Variants in PIK3C2B observed in about 807,000 individuals in gnomAD.
PIK3C2B encodes the protein phosphatidylinositol 4-phosphate 3-kinase C2 domain-containing subunit beta.
In PIK3C2B, 83 loss-of-function variants were observed where a neutral mutation model predicts 184.3. The ratio of observed to expected loss-of-function variants is 0.45; its 90% CI spans 0.38 to 0.54. PIK3C2B has a LOEUF of 0.54. Ranked by LOEUF, PIK3C2B falls within the 20% of genes least tolerant of loss-of-function variation. The pLI, the probability that PIK3C2B is intolerant of heterozygous loss-of-function variation, is 0.00. For synonymous variants in PIK3C2B, 779 were observed against 837.6 expected, an observed-to-expected ratio of 0.93 and a Z score of 1.21; for missense variants, 1,736 against 2,113.5, an observed-to-expected ratio of 0.82 and a Z score of 3.50.
intron 1 of PIK3C2B, among the ~76,000 whole-genome samples, chr1:204,470,340 G>C (rs1186998778): frequency 6.6e-6 from 1 of 152,084 alleles, no homozygotes; most frequent in African/African-American, 2.4e-5. Context: ...GCTAATTTTT[G>C]TATTTTTAGT....
Position 204,477,221 on chromosome 1 carries a change from C to T in PIK3C2B, c.-84-7335G>A, listed in dbSNP as rs541186799. ...GAAGCTTTAAAAATATACACATTCC[C>T]GACCTCTCCTCTGGAAGTTCTGACT... On this transcript the variant is annotated intron_variant, in intron 1 of 32. Coordinates refer to ENST00000684373, the MANE Select transcript of PIK3C2B (RefSeq NM_001377334.1). Among the ~76,000 whole-genome samples, 10 of 152,254 alleles carry T rather than the reference C, an allele frequency of 6.6e-5. No individual in the cohort carries two copies. The South Asian group carries it at 1.5e-3, about 22-fold the overall frequency.
intron 1 of PIK3C2B, among the ~76,000 whole-genome samples, chr1:204,493,531 A>ACACACACACACG (rs1342461422): frequency 6.7e-6 from 1 of 148,988 alleles, no homozygotes; most frequent in Non-Finnish European, 1.5e-5. Context: ...GAAAACACAC[A>ACACACACACACG]CACACACACA....
At chr1:204,489,033 G>T (rs770222207) in intron 1 of PIK3C2B, among the ~76,000 whole-genome samples, 3 of 152,132 alleles carry the variant, frequency 2.0e-5, no homozygotes, top group Non-Finnish European at 4.4e-5. Flanking sequence ...CGAGCCTCAT[G>T]AACATTTTTT....
chr1:204,486,700 A>G (rs1657624683), intron 1 of PIK3C2B, among the ~76,000 whole-genome samples: 1 of 152,248 alleles, frequency 6.6e-6, no homozygotes, highest in Non-Finnish European at 1.5e-5. Flanking sequence ...ATTGCACTCC[A>G]GCCTGGACGA....
At position 204,424,566 on chromosome 1, in the gene PIK3C2B, C is replaced by A; in HGVS notation, c.*286G>T. On this transcript the variant is annotated 3_prime_UTR_variant, in exon 33 of 33. Transcript: ENST00000684373. ...CAGCCCACCCCACACACTCCCCAAA[C>A]CAAGCATTGCTCCCTTGACACAAGG... 3 of 479,530 alleles carry A rather than the reference C, an allele frequency of 6.3e-6. No individual in the cohort carries two copies. The highest frequency in any genetic ancestry group is 4.0e-6 in the Non-Finnish European group (1 of 249,462). 29.7% of individuals were successfully genotyped at this position (479,530 alleles called of 1,614,324 possible). A position where few individuals can be genotyped will look rare whatever the true frequency, so the allele number is the denominator to read the frequency against.
chr1:204,465,420 T>C lies in PIK3C2B; in HGVS notation c.934-101A>G. 5.6e-6 allele frequency: 4 copies of C among 719,656 alleles called. No homozygotes were observed. The East Asian group carries it at 1.0e-4, about 18-fold the overall frequency. 44.6% of individuals were successfully genotyped at this position (719,656 alleles called of 1,614,324 possible). On this transcript the variant is annotated intron_variant, in intron 2 of 32. Coordinates refer to ENST00000684373, the MANE Select transcript of PIK3C2B (RefSeq NM_001377334.1). ...ACTCAAACTCTAGATGAAAAGACTTTCTAGTCACTCGACATCCAATGAAAG... is the reference window on the plus strand; with the variant it reads ...ACTCAAACTCTAGATGAAAAGACTTCCTAGTCACTCGACATCCAATGAAAG...
chr1:204,431,819 T>C, intron 27 of PIK3C2B, 26 bp from the exon 28 acceptor site: 1 of 1,614,074 alleles, frequency 6.2e-7, no homozygotes, highest in South Asian at 1.1e-5. Flanking sequence ...TCTTAGGGTG[T>C]ACCTGCCGAG....
rs2271413 is a variant in PIK3C2B, at chr1:204,460,673, G to A, written c.1311-12C>T. 7.7e-3 allele frequency: 11,931 copies of A among 1,548,674 alleles called. 378 individuals carry two copies. The East Asian group carries it at 0.11, about 15-fold the overall frequency. On this transcript the variant is annotated splice_polypyrimidine_tract_variant and intron_variant, in intron 5 of 32. Transcript: ENST00000684373. The stretch of plus-strand genomic sequence containing the variant: ...CCAAGGCATGCTTGCTGGTAGGGTA[G>A]AGGGACAAGACCATTAGCATCCTGG...
At chr1:204,448,672 A>C (rs1654084497) in intron 14 of PIK3C2B, among the ~76,000 whole-genome samples, 2 of 149,176 alleles carry the variant, frequency 1.3e-5, no homozygotes. Flanking sequence ...GGGAGCTTTC[A>C]TTCTATGTCA....
intron 5 of PIK3C2B, among the ~76,000 whole-genome samples, chr1:204,462,606 G>C (rs1423717203): frequency 1.3e-5 from 2 of 152,190 alleles, no homozygotes; most frequent in African/African-American, 4.8e-5. Context: ...TTCCTCTAGG[G>C]GAAAAGTGTG....
chr1:204,460,572 A>C lies in PIK3C2B; in HGVS notation c.1400T>G (p.Val467Gly), dbSNP rs1558261723. The change falls in exon 6 of 33, where the codon GTG (valine) becomes GGG (glycine). Residue 467 changes from valine to glycine, a missense_variant. Coordinates refer to ENST00000684373, the MANE Select transcript of PIK3C2B (RefSeq NM_001377334.1). ...IRLQLMEQKV[V>G]RSDLARTVND... is the part of the protein sequence containing the mutation. ...AACCGTCCGGGCCAGGTCACTGCGC[A>C]CAACCTTCTGCTCCATCAGCTGTAG... The C allele has an allele frequency of 1.2e-6, 2 of 1,614,028 alleles. No individual in the cohort carries two copies. Among genetic ancestry groups the C allele is most frequent in the Middle Eastern group, 1.7e-4 (1 of 6,000 alleles).
intron 1 of PIK3C2B, among the ~76,000 whole-genome samples, chr1:204,488,982 T>C (rs1475122784): frequency 2.0e-5 from 3 of 152,188 alleles, no homozygotes; most frequent in Non-Finnish European, 4.4e-5. Context: ...ACCACTTGTG[T>C]CATTACTGGC....
intron 1 of PIK3C2B, among the ~76,000 whole-genome samples, chr1:204,474,050 G>T (rs1656510877): frequency 7.7e-6 from 1 of 129,642 alleles, no homozygotes. Context: ...GGAGTGCAAT[G>T]GCGCGATCTC....
chr1:204,467,743 G>A (rs1281788269), intron 2 of PIK3C2B, among the ~76,000 whole-genome samples: 5 of 144,518 alleles, frequency 3.5e-5, no homozygotes, highest in African/African-American at 5.1e-5. Flanking sequence ...GCTGAGGCAG[G>A]AGAATCTCTT....
chr1:204,459,839 C>CT, intron 8 of PIK3C2B, 39 bp downstream of exon 8: 1 of 1,566,340 alleles, frequency 6.4e-7, no homozygotes, highest in Non-Finnish European at 8.8e-7. Flanking sequence ...AGAGGAGGAG[C>CT]TTTCGGGCAG....
At chr1:204,438,786 A>G in intron 23 of PIK3C2B, 149 bp downstream of exon 23, 1 of 740,512 alleles carries the variant, frequency 1.4e-6, no homozygotes, top group Non-Finnish European at 2.1e-6. Context: ...AGATATTTGG[A>G]GGCACCAGTC....
Position 204,469,678 on chromosome 1 carries a change from T to C in PIK3C2B, c.125A>G (p.His42Arg). 6.2e-7 allele frequency: 1 copy of C among 1,614,108 alleles called. No individual in the cohort carries two copies. The highest frequency in any genetic ancestry group is 1.1e-5 in the South Asian group (1 of 91,082). Reference protein sequence around the residue: ...MEYDALSRLRHDKEENRAKQN... With the variant: ...MEYDALSRLRRDKEENRAKQN... Reference sequence around the variant, plus strand: ...CTTGGCTCTGTTCTCCTCCTTGTCATGCCGGAGCCGGGACAGGGCATCATA... The same window carrying C: ...CTTGGCTCTGTTCTCCTCCTTGTCACGCCGGAGCCGGGACAGGGCATCATA... Residue 42 changes from histidine to arginine, a missense_variant, in exon 2 of 33, where the codon CAT (histidine) becomes CGT (arginine). This residue lies in a region of PIK3C2B where 404 missense variants were observed against 418.0 expected (regional missense o/e 0.97). Transcript: ENST00000684373.
chr1:204,431,584 C>T, intron 28 of PIK3C2B, 85 bp downstream of exon 28: 2 of 1,531,724 alleles, frequency 1.3e-6, no homozygotes, highest in South Asian at 1.1e-5. Context: ...GTATTTTCTG[C>T]CCCTGCAGCC....
At chr1:204,493,866 G>T (rs954897989) in intron 1 of PIK3C2B, among the ~76,000 whole-genome samples, 1 of 152,150 alleles carries the variant, frequency 6.6e-6, no homozygotes, top group African/African-American at 2.4e-5. Flanking sequence ...TCCTTATAAG[G>T]GAGAATCCAA....
Sources: gnomAD v4.1 joint callset for allele counts (sites outside exome capture counted in the v4.1 genomes callset) on GRCh38, gnomAD v4.1.1 for gene constraint, gnomAD v4.1.1 regional missense constraint, MANE v1.5 for transcripts, NCBI Gene and HGNC (gene_info 2026-07-23, HGNC 2026-07-21) for gene names.